The following BCAS3 variants were observed in gnomAD, a reference collection of about 807,000 sequenced individuals.
BCAS3 encodes the protein BCAS4/BCAS3 fusion.
BCAS3 carries 53 observed loss-of-function variants against 116.1 expected under a neutral mutation model. That is an observed-to-expected ratio of 0.46 (90% CI 0.37 to 0.57). The LOEUF (loss-of-function observed/expected upper bound fraction) is 0.57. BCAS3 is among the 20% of genes least tolerant of loss of function. The pLI is 0.00. For synonymous variants in BCAS3, 391 were observed against 408.2 expected (o/e 0.96, Z 0.51); for missense variants, 917 against 1,165.4 (o/e 0.79, Z 3.10).
chr17:60,712,448 A>G (rs139430710), intron 5 of BCAS3, among the ~76,000 whole-genome samples: 104 of 152,288 alleles, frequency 6.8e-4, no homozygotes, highest in African/African-American at 2.4e-3. Flanking sequence ...ATTATGGTCA[A>G]AGAGGTTTAT....
intron 6 of BCAS3, among the ~76,000 whole-genome samples, chr17:60,769,949 A>G (rs915151439): frequency 6.6e-6 from 1 of 151,540 alleles, no homozygotes; most frequent in Admixed American, 6.6e-5. Flanking sequence ...TAATTTTTGT[A>G]TTTTTAGTAG....
In BCAS3 at chr17:61,348,913, C is replaced by T. The variant is rs184585665; in HGVS notation, c.2426-19414C>T. On this transcript the variant is annotated intron_variant, in intron 22 of 23. Transcript: ENST00000407086. This position sits in a 1 kb window ranked among gnomAD's most constrained non-coding sequence, Gnocchi z 4.5. ...GACTACAGGCGCCCACCGCCACACA[C>T]GGCTAACTTTTTGTATTTTTGGTAG... Among the ~76,000 whole-genome samples, 9 of 152,226 alleles carry T rather than the reference C, an allele frequency of 5.9e-5. No homozygotes were observed. The highest frequency in any genetic ancestry group is 1.2e-4 in the African/African-American group (5 of 41,544).
rs967306641 is a variant in BCAS3 at position 61,265,451 on chromosome 17, T to C, written c.2426-102876T>C. On this transcript the variant is annotated intron_variant, in intron 22 of 23. Transcript: ENST00000407086. This position sits in a 1 kb window ranked among gnomAD's most constrained non-coding sequence, Gnocchi z 4.3. Reference sequence around the variant, plus strand: ...CACAGTACCTGATACATAACAGATATTCAATAATTGTTCCCTTCCTTCCCC... The same window carrying C: ...CACAGTACCTGATACATAACAGATACTCAATAATTGTTCCCTTCCTTCCCC... Among the ~76,000 whole-genome samples the C allele has an allele frequency of 8.6e-5, 13 of 151,168 alleles. No homozygotes were observed. Among genetic ancestry groups the C allele is most frequent in the African/African-American group, 3.2e-4 (13 of 41,206 alleles).
At chr17:61,292,786 A>G (rs562890111) in intron 22 of BCAS3, among the ~76,000 whole-genome samples, 5 of 152,354 alleles carry the variant, frequency 3.3e-5, no homozygotes, top group Admixed American at 3.3e-4. Flanking sequence ...AGATTGCCAC[A>G]ACCTTGCAAA....
intron 7 of BCAS3, among the ~76,000 whole-genome samples, chr17:60,859,242 T>A (rs1234596429): frequency 1.3e-5 from 2 of 152,114 alleles, no homozygotes; most frequent in African/African-American, 4.8e-5. Flanking sequence ...GTTTGTTACA[T>A]CAGTAAATTG....
At chr17:60,880,329 G>A (rs981679183) in intron 9 of BCAS3, among the ~76,000 whole-genome samples, 2 of 151,130 alleles carry the variant, frequency 1.3e-5, no homozygotes, top group African/African-American at 2.4e-5. Flanking sequence ...TCGCTCTGTC[G>A]CCAGGCTGGA....
chr17:61,147,731 A>G (rs2077308824), intron 22 of BCAS3, among the ~76,000 whole-genome samples: 1 of 152,162 alleles, frequency 6.6e-6, no homozygotes, highest in African/African-American at 2.4e-5. Context: ...TCACGCCTGT[A>G]ATCCCAGCAC....
intron 13 of BCAS3, among the ~76,000 whole-genome samples, chr17:60,937,308 T>C (rs915712053): frequency 1.3e-5 from 2 of 150,392 alleles, no homozygotes; most frequent in African/African-American, 4.9e-5. Flanking sequence ...TCCATGGGGG[T>C]GGGGTGGCTG....
rs117207727 is a variant in BCAS3 at position 60,831,478 on chromosome 17, T to A, written c.476+23402T>A. ...AGGCATGAGCCACTGCACCGACCTA[T>A]GTTATGTCTTCCTTATGTTAACTGA... On this transcript the variant is annotated intron_variant, in intron 7 of 23. Transcript: ENST00000407086. 4.0e-3 allele frequency among the ~76,000 whole-genome samples: 616 copies of A among 152,320 alleles called. 3 individuals are homozygous for A. The highest frequency in any genetic ancestry group is 6.0e-3 in the Non-Finnish European group (409 of 68,022).
At chr17:60,933,770 G>C (rs778436142) in intron 13 of BCAS3, among the ~76,000 whole-genome samples, 11 of 152,278 alleles carry the variant, frequency 7.2e-5, no homozygotes, top group Admixed American at 2.6e-4. Context: ...TTTTTAATCT[G>C]ACAGCTTCTG....
Position 61,037,748 on chromosome 17 carries a change from A to C in BCAS3, c.1763-141A>C, listed in dbSNP as rs1406445711. 3 of 856,792 alleles carry C rather than the reference A, an allele frequency of 3.5e-6. No individual in the cohort carries two copies. Among genetic ancestry groups the C allele is most frequent in the Non-Finnish European group, 5.1e-6 (3 of 588,798 alleles). The allele number at this position is 856,792 out of a possible 1,614,324, so 53.1% of individuals were successfully genotyped here. On this transcript the variant is annotated intron_variant, in intron 17 of 23. Transcript: ENST00000407086. The surrounding 1 kb of genome is among the most constrained non-coding windows in gnomAD (Gnocchi z 4.7). ...GCAAAACTCCATCTCCAAAAAAAAG[A>C]AAAAAAGAAAAAAATTCCTGTCTTT...
chr17:61,305,002 C>T (rs1222393488), intron 22 of BCAS3, among the ~76,000 whole-genome samples: 1 of 152,182 alleles, frequency 6.6e-6, no homozygotes, highest in Non-Finnish European at 1.5e-5. Context: ...GGTGATCCGC[C>T]CGCCTCGGCC....
Position 61,163,901 on chromosome 17 carries a change from G to A in BCAS3, c.2425+79337G>A, listed in dbSNP as rs554473410. ...CTCGGGAGTCTGAGCCAGGAGAATCGCTTGTTTCTCCTCTGCCTCTGGGAG... is the reference window on the plus strand; with the variant it reads ...CTCGGGAGTCTGAGCCAGGAGAATCACTTGTTTCTCCTCTGCCTCTGGGAG... On this transcript the variant is annotated intron_variant, in intron 22 of 23. Transcript: ENST00000407086. 2.2e-4 allele frequency among the ~76,000 whole-genome samples: 33 copies of A among 150,018 alleles called. No homozygotes were observed. In the South Asian group the frequency reaches 4.6e-3, roughly 21 times the overall value.
At chr17:61,385,650 C>T (rs567365526) in intron 23 of BCAS3, among the ~76,000 whole-genome samples, 4 of 152,372 alleles carry the variant, frequency 2.6e-5, no homozygotes, top group Non-Finnish European at 4.4e-5. Context: ...GGCAGCTCGG[C>T]TGGCTGCTGT....
chr17:60,770,834 G>GTTTTTTTTTTT lies in BCAS3; in HGVS notation c.403+23576_403+23586dup, dbSNP rs60854011. Among the ~76,000 whole-genome samples the GTTTTTTTTTTT allele has an allele frequency of 7.8e-5, 6 of 76,728 alleles. 2 individuals are homozygous for GTTTTTTTTTTT. Among genetic ancestry groups the GTTTTTTTTTTT allele is most frequent in the Non-Finnish European group, 2.0e-4 (6 of 30,148 alleles). The allele number at this position is 76,728 out of a possible 152,430, so 50.3% of individuals were successfully genotyped here. A position where few individuals can be genotyped will look rare whatever the true frequency, so the allele number is the denominator to read the frequency against. On this transcript the variant is annotated intron_variant, in intron 6 of 23. Coordinates refer to ENST00000407086, the MANE Select transcript of BCAS3 (RefSeq NM_017679.5). ...GATCTTGAACCTAAAACTGAAATTTGTTTTTTTTTTTTTTTTTTTTTTTTT... is the reference window on the plus strand; with the variant it reads ...GATCTTGAACCTAAAACTGAAATTTGTTTTTTTTTTTTTTTTTTTTTTTTTTTTTTTTTTTT...
In BCAS3 at chr17:61,316,548, A is replaced by T. The variant is rs557069220; in HGVS notation, c.2426-51779A>T. Reference sequence around the variant, plus strand: ...CGCGTCCCTTCCACAGCTCCCCTGCAGTAGCACCCCTCTGCACAGCTTTCC... The same window carrying T: ...CGCGTCCCTTCCACAGCTCCCCTGCTGTAGCACCCCTCTGCACAGCTTTCC... On this transcript the variant is annotated intron_variant, in intron 22 of 23. Transcript: ENST00000407086. This position sits in a 1 kb window ranked among gnomAD's most constrained non-coding sequence, Gnocchi z 5.8. 2.6e-5 allele frequency among the ~76,000 whole-genome samples: 4 copies of T among 152,046 alleles called. No homozygotes were observed. Among genetic ancestry groups the T allele is most frequent in the Non-Finnish European group, 5.9e-5 (4 of 68,006 alleles).
At chr17:61,015,706 G>C (rs372913896) in intron 15 of BCAS3, 45 bp from the exon 16 acceptor site, 1,469 of 1,599,442 alleles carry the variant, frequency 9.2e-4, no homozygotes, top group Non-Finnish European at 1.1e-3. Context: ...ACGGGAGATA[G>C]AGAACCTTCC....
In BCAS3 at chr17:61,034,303, G is replaced by T. The variant is rs1000135065; in HGVS notation, c.1638-363G>T. 6.6e-6 allele frequency among the ~76,000 whole-genome samples: 1 copy of T among 152,180 alleles called. No homozygotes were observed. The highest frequency in any genetic ancestry group is 1.5e-5 in the Non-Finnish European group (1 of 68,028). ...AACCTAATATATATAGAAATGAAGT[G>T]ATAAACCATTTTATTATTGTGAGAT... On this transcript the variant is annotated intron_variant, in intron 16 of 23. Coordinates refer to ENST00000407086, the MANE Select transcript of BCAS3 (RefSeq NM_017679.5). The surrounding 1 kb of genome is among the most constrained non-coding windows in gnomAD (Gnocchi z 5.0).
chr17:61,035,437 G>T (rs1482506095), intron 17 of BCAS3, among the ~76,000 whole-genome samples: 2 of 151,978 alleles, frequency 1.3e-5, no homozygotes, highest in Non-Finnish European at 2.9e-5. Context: ...ACAAAAATTA[G>T]CTGGGCGTGG....
Sources: gnomAD v4.1 joint callset for allele counts (sites outside exome capture counted in the v4.1 genomes callset) on GRCh38, gnomAD v4.1.1 for gene constraint, Gnocchi (gnomAD v3.1) non-coding constraint, MANE v1.5 for transcripts, NCBI Gene and HGNC (gene_info 2026-07-23, HGNC 2026-07-21) for gene names.